Variants in TCEANC2 observed in about 807,000 individuals in gnomAD.
TCEANC2 encodes transcription elongation factor A N-terminal and central domain containing 2, also known as transcription elongation factor A N-terminal and central domain-containing protein 2.
Under a neutral mutation model 22.8 loss-of-function variants are expected in TCEANC2, and 20 were observed. The ratio of observed to expected loss-of-function variants is 0.88; its 90% CI spans 0.62 to 1.28. The LOEUF (loss-of-function observed/expected upper bound fraction) is 1.28, where lower values mean the gene tolerates loss of function less well. Ranked by LOEUF, TCEANC2 falls within the 50% of genes most tolerant of loss-of-function variation. The probability of loss-of-function intolerance (pLI) is 0.00; values close to 1 mark genes in which losing one functional copy is unlikely to be tolerated. For synonymous variants in TCEANC2, 84 were observed against 95.5 expected, an observed-to-expected ratio of 0.88 and a Z score of 0.70; for missense variants, 251 against 249.7, an observed-to-expected ratio of 1.01 and a Z score of -0.03.
At chr1:54,106,877 T>G (rs1258378352), downstream of TCEANC2, among the ~76,000 whole-genome samples, 1 of 152,176 alleles carries the variant, frequency 6.6e-6, no homozygotes, top group Non-Finnish European at 1.5e-5. Context: ...TTAAATAAAC[T>G]TTTTATTTCG....
chr1:54,081,484 C>A (rs1489579996), intron 3 of TCEANC2, among the ~76,000 whole-genome samples: 3 of 152,088 alleles, frequency 2.0e-5, no homozygotes, highest in African/African-American at 7.2e-5. Flanking sequence ...TGCACTCAAG[C>A]GATCCTCCTG....
At chr1:54,057,865 G>T (rs191905911) in intron 2 of TCEANC2, among the ~76,000 whole-genome samples, 7 of 152,218 alleles carry the variant, frequency 4.6e-5, no homozygotes, top group African/African-American at 1.7e-4. Context: ...ATTCCCCAAA[G>T]ATGTTGTGCT....
chr1:54,081,387 C>T (rs1658240938), intron 3 of TCEANC2, among the ~76,000 whole-genome samples: 1 of 152,092 alleles, frequency 6.6e-6, no homozygotes, highest in Non-Finnish European at 1.5e-5. Context: ...TGCCACCATA[C>T]CCAGTCAATT....
At position 54,105,440 on chromosome 1, in the gene TCEANC2, T is replaced by C. The variant is rs1267564183; in HGVS notation, c.*8967T>C. The C allele has an allele frequency of 6.6e-6, 1 of 152,274 alleles. No individual in the cohort carries two copies. Among genetic ancestry groups the C allele is most frequent in the Non-Finnish European group, 1.5e-5 (1 of 68,082 alleles). The allele number at this position is 152,274 out of a possible 1,614,324, so 9.4% of individuals were successfully genotyped here. ...CCCTCCCATGAGACTGGCTGAGGTCTTCATACAGCATCGGAGCCCAATTTA... is the reference window on the plus strand; with the variant it reads ...CCCTCCCATGAGACTGGCTGAGGTCCTCATACAGCATCGGAGCCCAATTTA... On this transcript the variant is annotated 3_prime_UTR_variant, in exon 5 of 5. Coordinates refer to ENST00000234827, the MANE Select transcript of TCEANC2 (RefSeq NM_153035.3).
chr1:54,086,085 G>C (rs1393267463), intron 3 of TCEANC2, among the ~76,000 whole-genome samples: 1 of 151,992 alleles, frequency 6.6e-6, no homozygotes, highest in East Asian at 1.9e-4. Context: ...CTCATAATAA[G>C]GTATATTTTC....
intron 3 of TCEANC2, among the ~76,000 whole-genome samples, chr1:54,077,187 A>G (rs1480161630): frequency 6.6e-6 from 1 of 152,168 alleles, no homozygotes; most frequent in East Asian, 1.9e-4. Flanking sequence ...TGCCCTGATG[A>G]TGCCTCTCGC....
intron 2 of TCEANC2, among the ~76,000 whole-genome samples, chr1:54,062,254 G>T (rs1200487093): frequency 1.3e-5 from 2 of 152,138 alleles, no homozygotes; most frequent in Non-Finnish European, 2.9e-5. Flanking sequence ...CTTCTTTCTG[G>T]CAATAACTAT....
At chr1:54,091,263 C>G (rs1455857939) in intron 4 of TCEANC2, among the ~76,000 whole-genome samples, 1 of 151,934 alleles carries the variant, frequency 6.6e-6, no homozygotes, top group Non-Finnish European at 1.5e-5. Context: ...AAGGTTAATT[C>G]TTAGCACCTA....
chr1:54,060,665 C>T lies in TCEANC2; in HGVS notation c.102+6141C>T, dbSNP rs1009421974. 6.6e-5 allele frequency among the ~76,000 whole-genome samples: 10 copies of T among 151,886 alleles called. No homozygotes were observed. In the East Asian group the frequency reaches 1.7e-3, roughly 26 times the overall value. The stretch of plus-strand genomic sequence containing the variant: ...CTAAGAGGTAAGAGAAGAGGCCTGG[C>T]GTGGTGGCTCACACCTGTAATCTCA... On this transcript the variant is annotated intron_variant, in intron 2 of 4. Coordinates refer to ENST00000234827, the MANE Select transcript of TCEANC2 (RefSeq NM_153035.3).
chr1:54,073,776 T>C (rs1360187129), intron 3 of TCEANC2, among the ~76,000 whole-genome samples: 1 of 152,190 alleles, frequency 6.6e-6, no homozygotes, highest in Non-Finnish European at 1.5e-5. Context: ...GTTAGGAAGC[T>C]ACTAAAACAT....
intron 2 of TCEANC2, among the ~76,000 whole-genome samples, chr1:54,055,085 C>G (rs965055750): frequency 6.6e-6 from 1 of 152,210 alleles, no homozygotes; most frequent in Admixed American, 6.5e-5. Context: ...TCATATGATC[C>G]TCCTGCCTCA....
intron 4 of TCEANC2, among the ~76,000 whole-genome samples, chr1:54,089,605 C>T (rs888130798): frequency 8.5e-5 from 13 of 152,106 alleles, no homozygotes; most frequent in Non-Finnish European, 2.9e-5. Context: ...TATCCCAGAG[C>T]AACTCTGCTA....
rs1658576566 is a variant in TCEANC2, at chr1:54,097,279, T to C, written c.*806T>C. On this transcript the variant is annotated 3_prime_UTR_variant, in exon 5 of 5. Transcript: ENST00000234827. ...TAACAATTACGTAAATAATACTTGT[T>C]TTTTTAAAAGTAATAGTAAGCTGGG... 1 of 152,144 alleles carries C rather than the reference T, an allele frequency of 6.6e-6. No individual in the cohort carries two copies. Among genetic ancestry groups the C allele is most frequent in the African/African-American group, 2.4e-5 (1 of 41,238 alleles). The allele number at this position is 152,144 out of a possible 1,614,324, so 9.4% of individuals were successfully genotyped here.
chr1:54,063,164 C>T (rs556689915), intron 2 of TCEANC2, among the ~76,000 whole-genome samples: 33 of 152,226 alleles, frequency 2.2e-4, no homozygotes, highest in Admixed American at 1.0e-3. Context: ...GATAAGACCT[C>T]GGGCTAATGT....
chr1:54,062,979 G>T (rs1657887058), intron 2 of TCEANC2, among the ~76,000 whole-genome samples: 1 of 152,146 alleles, frequency 6.6e-6, no homozygotes, highest in South Asian at 2.1e-4. Flanking sequence ...TGGATTAAAA[G>T]TCTCCAATAC....
At chr1:54,088,826 A>T in intron 4 of TCEANC2, 36 bp downstream of exon 4, 1 of 1,397,136 alleles carries the variant, frequency 7.2e-7, no homozygotes, top group Non-Finnish European at 9.5e-7. Context: ...TTATGTACCC[A>T]TAATAATTAA....
At chr1:54,087,992 C>T (rs1570018133) in intron 3 of TCEANC2, among the ~76,000 whole-genome samples, 1 of 152,242 alleles carries the variant, frequency 6.6e-6, no homozygotes, top group Non-Finnish European at 1.5e-5. Flanking sequence ...GTTAAGGGTG[C>T]GAAGTACTTC....
chr1:54,090,035 C>T, intron 4 of TCEANC2: 1 of 679,200 alleles, frequency 1.5e-6, no homozygotes, highest in Admixed American at 1.9e-5. Flanking sequence ...CAACACAAAT[C>T]AGAATAGAAT....
intron 1 of TCEANC2, chr1:54,054,152 C>A (rs1440515802): frequency 9.1e-7 from 1 of 1,098,866 alleles, no homozygotes; most frequent in African/African-American, 1.6e-5. Context: ...AGAGCGTGCA[C>A]TTCTGGAAGC....
Sources: allele counts gnomAD v4.1 joint callset (sites outside exome capture counted in the v4.1 genomes callset), GRCh38; gene constraint gnomAD v4.1.1; transcripts MANE v1.5; gene names NCBI Gene and HGNC (gene_info 2026-07-23, HGNC 2026-07-21).